Variants in BTNL2 observed in about 807,000 individuals in gnomAD.
BTNL2 encodes butyrophilin-like protein 2.
In BTNL2, 46 loss-of-function variants were observed where a neutral mutation model predicts 46.8. The observed-to-expected ratio is 0.98, with a 90% confidence interval of 0.78 to 1.26. The LOEUF (loss-of-function observed/expected upper bound fraction) is 1.26. BTNL2 is among the 50% of genes most tolerant of loss of function. The pLI, the probability that BTNL2 is intolerant of heterozygous loss-of-function variation, is 0.00. For missense variants in BTNL2, 461 were observed against 592.6 expected (o/e 0.78, Z 2.31); for synonymous variants, 226 against 229.1 (o/e 0.99, Z 0.12).
intron 4 of BTNL2, among the ~76,000 whole-genome samples, chr6:32,397,130 G>A (rs991550619): frequency 6.6e-6 from 1 of 152,136 alleles, no homozygotes; most frequent in African/African-American, 2.4e-5. Flanking sequence ...TGTTACATAA[G>A]CACTCAGGTA....
chr6:32,406,931 G>C (rs1248259964), intron 1 of BTNL2, 114 bp downstream of exon 1: 1 of 907,724 alleles, frequency 1.1e-6, no homozygotes, highest in Non-Finnish European at 1.7e-6. Flanking sequence ...TTCCTTTTTG[G>C]ATACAGGTGG....
intron 4 of BTNL2, among the ~76,000 whole-genome samples, chr6:32,400,745 T>TAAAAAAAAAA (rs55703731): frequency 1.2e-5 from 1 of 82,160 alleles, no homozygotes. Context: ...CCGTCTCTAC[T>TAAAAAAAAAA]AAAAAAAAAA....
In BTNL2 at chr6:32,396,156, C is replaced by G. The variant is rs749332470; in HGVS notation, c.961G>C (p.Glu321Gln). Residue 321 changes from glutamate to glutamine, a missense_variant, in exon 5 of 8, where the codon GAG (glutamate) becomes CAG (glutamine). Glu to Gln is a conservative substitution (Grantham distance 29). Transcript: ENST00000454136. The surrounding 1 kb of genome is among the most constrained non-coding windows in gnomAD (Gnocchi z 4.4). ...AGTATCTGCAGGGTCAGTCTGCCCTCGTCAATGGCGTCACTCACCAGTACA... is the reference window on the plus strand; with the variant it reads ...AGTATCTGCAGGGTCAGTCTGCCCTGGTCAATGGCGTCACTCACCAGTACA... ...RTVLVSDAIDEGRLTLQILSA... is the reference protein window; with the variant it reads ...RTVLVSDAIDQGRLTLQILSA... 3 of 1,612,970 alleles carry G rather than the reference C, an allele frequency of 1.9e-6. No individual in the cohort carries two copies. In the South Asian group the frequency reaches 3.3e-5, roughly 18 times the overall value.
Position 32,407,152 on chromosome 6 carries a change from T to C in BTNL2, c.-29A>G, listed in dbSNP as rs1777209004. 1.9e-6 allele frequency: 3 copies of C among 1,598,680 alleles called. No individual in the cohort carries two copies. Among genetic ancestry groups the C allele is most frequent in the African/African-American group, 2.7e-5 (2 of 74,634 alleles). ...CCCTGGAACAAAGACAAGGAAACGC[T>C]GTGCCTAAGTGAGGCTGTGACACAC... On this transcript the variant is annotated 5_prime_UTR_variant, in exon 1 of 8. Coordinates refer to ENST00000454136, the MANE Select transcript of BTNL2 (RefSeq NM_001304561.2).
In BTNL2 at chr6:32,403,217, C is replaced by G; in HGVS notation, c.428-1G>C. 1 of 1,599,620 alleles carries G rather than the reference C, an allele frequency of 6.3e-7. No homozygotes were observed. Among genetic ancestry groups the G allele is most frequent in the Non-Finnish European group, 8.5e-7 (1 of 1,172,690 alleles). On this transcript the variant is annotated splice_acceptor_variant, in intron 2 of 7. Coordinates refer to ENST00000454136, the MANE Select transcript of BTNL2 (RefSeq NM_001304561.2). LOFTEE classifies it high-confidence loss of function. ...TGGATGCTAGGGGCAGACCCCAGAC[C>G]TGCAGAGGGAAGCCACAGCTCTGAC...
chr6:32,401,291 C>T (rs1275651731), intron 4 of BTNL2, among the ~76,000 whole-genome samples: 1 of 147,774 alleles, frequency 6.8e-6, no homozygotes, highest in African/African-American at 2.5e-5. Flanking sequence ...AGTAACAGCT[C>T]CCTCCCAATA....
intron 1 of BTNL2, chr6:32,406,056 T>TA (rs1205687035): frequency 6.5e-6 from 1 of 152,866 alleles, no homozygotes; most frequent in Non-Finnish European, 1.5e-5. Context: ...TTTTATGTCA[T>TA]GTATGATATG....
chr6:32,395,454 G>A (rs1292800740), intron 5 of BTNL2, among the ~76,000 whole-genome samples: 2 of 152,106 alleles, frequency 1.3e-5, no homozygotes, highest in African/African-American at 2.4e-5. Context: ...GGCTAAACGT[G>A]TTTATTAATT....
At chr6:32,403,252 C>T (rs1408591817) in intron 2 of BTNL2, 36 bp from the exon 3 acceptor site, 1 of 1,556,008 alleles carries the variant, frequency 6.4e-7, no homozygotes, top group Non-Finnish European at 8.7e-7. Flanking sequence ...CACCCAGAGC[C>T]CACAGAGGCA....
Position 32,399,595 on chromosome 6 carries a change from G to A in BTNL2, c.730+2190C>T, listed in dbSNP as rs1026145511. Among the ~76,000 whole-genome samples, 3 of 152,158 alleles carry A rather than the reference G, an allele frequency of 2.0e-5. No homozygotes were observed. Among genetic ancestry groups the A allele is most frequent in the Non-Finnish European group, 2.9e-5 (2 of 68,030 alleles). On this transcript the variant is annotated intron_variant, in intron 4 of 7. Coordinates refer to ENST00000454136, the MANE Select transcript of BTNL2 (RefSeq NM_001304561.2). This position sits in a 1 kb window ranked among gnomAD's most constrained non-coding sequence, Gnocchi z 5.2. ...TGCACTGTTAAGTTAGATAGATGTA[G>A]ATTAGAAGGTAAACATCACCATTTC...
rs181139235 is a variant in BTNL2 at position 32,393,938 on chromosome 6, C to A, written c.*6+25G>T. The A allele has an allele frequency of 4.5e-6, 7 of 1,548,832 alleles. No individual in the cohort carries two copies. The African/African-American group carries it at 9.6e-5, about 21-fold the overall frequency. On this transcript the variant is annotated intron_variant, in intron 7 of 7. Transcript: ENST00000454136. The surrounding 1 kb of genome is among the most constrained non-coding windows in gnomAD (Gnocchi z 4.8). ...GTACGGTTCCCACTGCAGTGTGCTC[C>A]GCTGTTTCTGTTTCCCTGACTTACC... is the stretch of plus-strand genomic sequence containing the variant.
In BTNL2 at chr6:32,400,745, T is replaced by TAAAAATACAAAAAAAA. The variant is rs9281774; in HGVS notation, c.730+1039_730+1040insTTTTTTTTGTATTTTT. Reference sequence around the variant, plus strand: ...CAACATGGTGAAACCCCGTCTCTACTAAAAAAAAAAAAAAAAAATTAGCTG... The same window carrying TAAAAATACAAAAAAAA: ...CAACATGGTGAAACCCCGTCTCTACTAAAAATACAAAAAAAAAAAAAAAAAAAAAAAAAATTAGCTG... On this transcript the variant is annotated intron_variant, in intron 4 of 7. Transcript: ENST00000454136. Among the ~76,000 whole-genome samples the TAAAAATACAAAAAAAA allele has an allele frequency of 2.4e-4, 20 of 82,142 alleles. 3 individuals carry two copies. Among genetic ancestry groups the TAAAAATACAAAAAAAA allele is most frequent in the Non-Finnish European group, 3.4e-4 (13 of 38,790 alleles). 53.9% of individuals were successfully genotyped at this position (82,142 alleles called of 152,430 possible).
Position 32,403,458 on chromosome 6 carries a change from C to T in BTNL2, c.428-242G>A, listed in dbSNP as rs144209768. Reference sequence around the variant, plus strand: ...TTTCTCCAGATCCAGAAAGGGGAATCGGAGAAGGGGGACATCATGACATTT... The same window carrying T: ...TTTCTCCAGATCCAGAAAGGGGAATTGGAGAAGGGGGACATCATGACATTT... On this transcript the variant is annotated intron_variant, in intron 2 of 7. Coordinates refer to ENST00000454136, the MANE Select transcript of BTNL2 (RefSeq NM_001304561.2). 5.3e-3 allele frequency among the ~76,000 whole-genome samples: 809 copies of T among 152,292 alleles called. 9 individuals carry two copies. Among genetic ancestry groups the T allele is most frequent in the African/African-American group, 0.018 (762 of 41,560 alleles).
intron 3 of BTNL2, 100 bp downstream of exon 3, chr6:32,402,835 T>C (rs1776863695): frequency 1.6e-6 from 2 of 1,230,176 alleles, no homozygotes; most frequent in Admixed American, 4.8e-5. Context: ...TGCTATATGA[T>C]AGATAATGTC....
Position 32,403,183 on chromosome 6 carries a change from C to G in BTNL2, c.461G>C (p.Gly154Ala), listed in dbSNP as rs138875868. 1.1e-5 allele frequency: 18 copies of G among 1,609,174 alleles called. No individual in the cohort carries two copies. Among genetic ancestry groups the G allele is most frequent in the Non-Finnish European group, 1.4e-5 (17 of 1,178,992 alleles). ...AAGCTGGACTCCACTCTCCCCAGGTCCCTCCATGTGGATGCTAGGGGCAGA... is the reference window on the plus strand; with the variant it reads ...AAGCTGGACTCCACTCTCCCCAGGTGCCTCCATGTGGATGCTAGGGGCAGA... ...LGSAPSIHME[G>A]PGESGVQLVC... The change falls in exon 3 of 8, where the codon GGA (glycine) becomes GCA (alanine). Residue 154 changes from glycine (G) to alanine (A), a missense_variant. Physicochemically the swap from Gly to Ala is moderately conservative, Grantham distance 60. Coordinates refer to ENST00000454136, the MANE Select transcript of BTNL2 (RefSeq NM_001304561.2).
Position 32,401,814 on chromosome 6 carries a change from A to AGC in BTNL2, c.710-10_710-9insGC. 2 of 1,610,348 alleles carry AGC rather than the reference A, an allele frequency of 1.2e-6. No individual in the cohort carries two copies. Among genetic ancestry groups the AGC allele is most frequent in the Non-Finnish European group, 8.5e-7 (1 of 1,177,942 alleles). On this transcript the variant is annotated splice_polypyrimidine_tract_variant and intron_variant, in intron 3 of 7. Coordinates refer to ENST00000454136, the MANE Select transcript of BTNL2 (RefSeq NM_001304561.2). ...CTCAGTCTGGAGTTTCTCTGGAAAA[A>AGC]GAACAAGAATAACATATTAAGGAAT...
Position 32,396,457 on chromosome 6 carries a change from G to A in BTNL2, c.731-71C>T. ...ACCAATAATGTCATCTCTAAGAACAGCTCCATTGGAGTTTAGAAACCATGA... is the reference window on the plus strand; with the variant it reads ...ACCAATAATGTCATCTCTAAGAACAACTCCATTGGAGTTTAGAAACCATGA... On this transcript the variant is annotated intron_variant, in intron 4 of 7. Coordinates refer to ENST00000454136, the MANE Select transcript of BTNL2 (RefSeq NM_001304561.2). The surrounding 1 kb of genome is among the most constrained non-coding windows in gnomAD (Gnocchi z 4.4). 7.1e-7 allele frequency: 1 copy of A among 1,410,774 alleles called. No homozygotes were observed. Among genetic ancestry groups the A allele is most frequent in the Non-Finnish European group, 9.7e-7 (1 of 1,026,150 alleles). The allele number at this position is 1,410,774 out of a possible 1,614,324, so 87.4% of individuals were successfully genotyped here.
At position 32,396,025 on chromosome 6, in the gene BTNL2, T is replaced by C; in HGVS notation, c.1078+14A>G. 6.3e-7 allele frequency: 1 copy of C among 1,592,486 alleles called. No individual in the cohort carries two copies. Among genetic ancestry groups the C allele is most frequent in the Non-Finnish European group, 8.6e-7 (1 of 1,164,132 alleles). On this transcript the variant is annotated intron_variant, in intron 5 of 7. Transcript: ENST00000454136. The surrounding 1 kb of genome is among the most constrained non-coding windows in gnomAD (Gnocchi z 4.4). Reference sequence around the variant, plus strand: ...GCAGGTATTGAATACAAAATATCTATCTAGAATTCTTACTTACCACCTTCA... The same window carrying C: ...GCAGGTATTGAATACAAAATATCTACCTAGAATTCTTACTTACCACCTTCA...
chr6:32,401,677 G>T, intron 4 of BTNL2, 108 bp downstream of exon 4: 4 of 1,010,364 alleles, frequency 4.0e-6, no homozygotes, highest in Non-Finnish European at 4.4e-6. Context: ...TGGTAAAATC[G>T]TGCCTCAGTT....
Sources: allele counts gnomAD v4.1 joint callset (sites outside exome capture counted in the v4.1 genomes callset), GRCh38; gene constraint gnomAD v4.1.1; non-coding constraint Gnocchi (gnomAD v3.1); transcripts MANE v1.5; gene names NCBI Gene and HGNC (gene_info 2026-07-23, HGNC 2026-07-21).